Variants in RTN4 observed in about 807,000 individuals in gnomAD.
The protein encoded by RTN4 is reticulon-4.
RTN4 carries 32 observed loss-of-function variants against 90.4 expected under a neutral mutation model. The ratio of observed to expected loss-of-function variants is 0.35; its 90% CI spans 0.27 to 0.48. The LOEUF (loss-of-function observed/expected upper bound fraction) is 0.48, where lower values mean the gene tolerates loss of function less well. Ranked by LOEUF, RTN4 falls within the 20% of genes least tolerant of loss-of-function variation. The pLI is 0.99. For synonymous variants in RTN4, 629 were observed against 552.5 expected (o/e 1.14, Z -1.94); for missense variants, 1,706 against 1,430.2 (o/e 1.19, Z -3.11).
In RTN4 at chr2:55,027,111, CATCTTT is replaced by C. The variant is rs756916886; in HGVS notation, c.982_987del (p.Lys328_Asp329del). 4.3e-6 allele frequency: 7 copies of C among 1,613,302 alleles called. No individual in the cohort carries two copies. Among genetic ancestry groups the C allele is most frequent in the East Asian group, 2.2e-5 (1 of 44,840 alleles). On this transcript the variant is annotated inframe_deletion, in exon 3 of 9. Transcript: ENST00000337526. ...TTATTACTAACTAACTTCTCTTCTT[CATCTTT>C]ATTTTTCACGATTATTTCTTCCCTA...
intron 3 of RTN4, among the ~76,000 whole-genome samples, chr2:55,016,539 C>A (rs767506845): frequency 1.2e-4 from 18 of 152,044 alleles, no homozygotes; most frequent in Non-Finnish European, 2.1e-4. Flanking sequence ...GTGGAGATCC[C>A]GCCACTGCTA....
At chr2:54,984,474 G>A (rs2104655901) in intron 4 of RTN4, among the ~76,000 whole-genome samples, 1 of 152,314 alleles carries the variant, frequency 6.6e-6, no homozygotes, top group East Asian at 1.9e-4. Context: ...GAGAAATATA[G>A]GAAAGTGGCT....
intron 3 of RTN4, among the ~76,000 whole-genome samples, chr2:55,022,257 C>G (rs944730638): frequency 1.1e-4 from 17 of 152,164 alleles, no homozygotes; most frequent in African/African-American, 4.1e-4. Context: ...GCTCTTCACC[C>G]AGTCATCACC....
At chr2:55,011,556 A>C (rs1014583498) in intron 3 of RTN4, among the ~76,000 whole-genome samples, 25 of 152,212 alleles carry the variant, frequency 1.6e-4, no homozygotes, top group African/African-American at 5.3e-4. Flanking sequence ...CTATGTACAA[A>C]AATACATACT....
At chr2:55,010,167 C>A in intron 3 of RTN4, 1 of 1,611,674 alleles carries the variant, frequency 6.2e-7, no homozygotes, top group East Asian at 2.2e-5. Context: ...ATTATGCATA[C>A]CAACAGAAAA....
the RTN4 span, among the ~76,000 whole-genome samples, chr2:55,129,192 T>C: frequency 6.6e-6 from 1 of 150,968 alleles, no homozygotes; most frequent in Admixed American, 6.6e-5. Context: ...GAAATACAAA[T>C]GGCCAACAGC....
chr2:55,125,167 C>T, the RTN4 span, among the ~76,000 whole-genome samples: 5 of 152,152 alleles, frequency 3.3e-5, no homozygotes, highest in African/African-American at 1.2e-4. Flanking sequence ...TGGAAGACAA[C>T]CTAAACAATA....
At chr2:55,001,096 A>C (rs1218504010) in intron 3 of RTN4, among the ~76,000 whole-genome samples, 1 of 152,166 alleles carries the variant, frequency 6.6e-6, no homozygotes, top group Non-Finnish European at 1.5e-5. Flanking sequence ...AACTTGACAA[A>C]CACAGCATAT....
chr2:55,137,132 A>G, the RTN4 span, among the ~76,000 whole-genome samples: 1 of 152,198 alleles, frequency 6.6e-6, no homozygotes, highest in African/African-American at 2.4e-5. Context: ...GTTTCCCAGG[A>G]GATGATCTTT....
intron 1 of RTN4, among the ~76,000 whole-genome samples, chr2:55,031,106 A>C (rs372068215): frequency 2.6e-5 from 4 of 152,298 alleles, no homozygotes; most frequent in African/African-American, 9.6e-5. Flanking sequence ...ACTACAAAAA[A>C]CCTGCATTTT....
At position 55,025,097 on chromosome 2, in the gene RTN4, C is replaced by T; in HGVS notation, c.3002G>A (p.Ser1001Asn). ...SPSAIFSAEL[S>N]KTSVVDLLYW... ...ATAGATTGGATTACCTGAAGTTTTA[C>T]TCAGCTCTGCTGAAAATATAGCAGA... Residue 1001 changes from serine to asparagine, a missense_variant, in exon 3 of 9, where the codon AGT becomes AAT. By Grantham distance (46) the Ser-to-Asn change is conservative (BLOSUM62 1). Transcript: ENST00000337526. 2 of 1,601,132 alleles carry T rather than the reference C, an allele frequency of 1.2e-6. No individual in the cohort carries two copies. Among genetic ancestry groups the T allele is most frequent in the Non-Finnish European group, 1.7e-6 (2 of 1,173,536 alleles).
chr2:55,080,575 T>C (rs980126585), exon 2 of RTN4: 2 of 152,236 alleles, frequency 1.3e-5, no homozygotes, highest in African/African-American at 4.8e-5. Context: ...CTTTAATGGC[T>C]TAGTATCTTA....
intron 3 of RTN4, among the ~76,000 whole-genome samples, chr2:55,012,390 T>C (rs905523314): frequency 6.6e-6 from 1 of 151,622 alleles, no homozygotes; most frequent in South Asian, 2.1e-4. Flanking sequence ...TTAATTTTTA[T>C]GGTCTTTGTA....
chr2:55,094,562 C>G (rs1370878564), intron 1 of RTN4, among the ~76,000 whole-genome samples: 2 of 152,074 alleles, frequency 1.3e-5, no homozygotes, highest in African/African-American at 2.4e-5. Flanking sequence ...AACAAGTAAA[C>G]AGACAAGTAA....
chr2:55,062,001 T>G (rs1668303745), intron 2 of RTN4, among the ~76,000 whole-genome samples: 2 of 135,894 alleles, frequency 1.5e-5, no homozygotes, highest in African/African-American at 5.1e-5. Context: ...GCGGTTGGAT[T>G]TCGAGAGGAC....
chr2:55,105,234 T>TG (rs1667924142), intron 1 of RTN4, among the ~76,000 whole-genome samples: 1 of 145,176 alleles, frequency 6.9e-6, no homozygotes. Flanking sequence ...GAAGTTTTTT[T>TG]TTTTTTTTTT....
intron 1 of RTN4, among the ~76,000 whole-genome samples, chr2:55,029,011 A>G (rs1416893409): frequency 6.6e-6 from 1 of 152,222 alleles, no homozygotes; most frequent in African/African-American, 2.4e-5. Context: ...AAGTGATAGT[A>G]TCTGAAGATG....
chr2:55,111,923 C>T (rs1450010575), intron 1 of RTN4, among the ~76,000 whole-genome samples: 2 of 152,184 alleles, frequency 1.3e-5, no homozygotes, highest in African/African-American at 4.8e-5. Flanking sequence ...TGTTGAAATC[C>T]GCCTCTGTGG....
At chr2:55,020,952 C>G (rs1294947323) in intron 3 of RTN4, among the ~76,000 whole-genome samples, 1 of 152,066 alleles carries the variant, frequency 6.6e-6, no homozygotes, top group Non-Finnish European at 1.5e-5. Context: ...GCCATAATCT[C>G]ACCACTGCAC....
Sources: allele counts gnomAD v4.1 joint callset (sites outside exome capture counted in the v4.1 genomes callset), GRCh38; gene constraint gnomAD v4.1.1; transcripts MANE v1.5; gene names NCBI Gene and HGNC (gene_info 2026-07-23, HGNC 2026-07-21).